The following NCALD variants were observed in gnomAD, a reference collection of about 807,000 sequenced individuals.
NCALD encodes the protein neurocalcin-delta.
In NCALD, 10 loss-of-function variants were observed where a neutral mutation model predicts 18.6. That is an observed-to-expected ratio of 0.54 (90% CI 0.33 to 0.91). The LOEUF (loss-of-function observed/expected upper bound fraction) is 0.91, where lower values mean the gene tolerates loss of function less well. Ranked by LOEUF, NCALD falls within the 40% of genes least tolerant of loss-of-function variation. NCALD has a pLI of 0.03. For missense variants in NCALD, 184 were observed against 247.6 expected (o/e 0.74, Z 1.72); for synonymous variants, 88 against 87.4 (o/e 1.01, Z -0.04).
intron 1 of NCALD, among the ~76,000 whole-genome samples, chr8:102,051,689 C>A (rs547368913): frequency 2.8e-4 from 42 of 152,126 alleles, no homozygotes; most frequent in Non-Finnish European, 5.4e-4. Context: ...CTGACATTTG[C>A]GTTATTCAGC....
intron 1 of NCALD, among the ~76,000 whole-genome samples, chr8:102,093,692 C>G (rs746738563): frequency 1.5e-4 from 23 of 152,140 alleles, no homozygotes; most frequent in Non-Finnish European, 3.2e-4. Flanking sequence ...AAAAATGGAA[C>G]AGAAAACCAC....
At chr8:102,086,663 C>A (rs762067149) in intron 1 of NCALD, among the ~76,000 whole-genome samples, 15 of 152,194 alleles carry the variant, frequency 9.9e-5, no homozygotes, top group Admixed American at 2.0e-4. Context: ...ATTTCTCATG[C>A]TCCCACACCT....
At chr8:101,783,819 T>C (rs1487875874) in intron 1 of NCALD, among the ~76,000 whole-genome samples, 1 of 152,210 alleles carries the variant, frequency 6.6e-6, no homozygotes, top group Non-Finnish European at 1.5e-5. Context: ...CTGTAGGACA[T>C]TGTTCCAAAT....
At chr8:101,727,614 G>C (rs1201441620) in intron 1 of NCALD, among the ~76,000 whole-genome samples, 12 of 152,206 alleles carry the variant, frequency 7.9e-5, no homozygotes, top group Admixed American at 7.9e-4. Context: ...CTGTGTAGCT[G>C]CGACTACAGA....
At chr8:101,738,946 T>A (rs558890631) in intron 1 of NCALD, among the ~76,000 whole-genome samples, 3 of 152,226 alleles carry the variant, frequency 2.0e-5, no homozygotes, top group African/African-American at 7.2e-5. Flanking sequence ...GTTACCTCCC[T>A]CCACTTGAGC....
intron 1 of NCALD, among the ~76,000 whole-genome samples, chr8:102,096,396 G>C (rs879622336): frequency 1.1e-4 from 16 of 152,332 alleles, no homozygotes; most frequent in Non-Finnish European, 1.8e-4. Context: ...CAGGAAAATA[G>C]GGTCTGGAGG....
chr8:101,722,081 C>A (rs75486972), intron 1 of NCALD, among the ~76,000 whole-genome samples: 1 of 152,098 alleles, frequency 6.6e-6, no homozygotes, highest in Non-Finnish European at 1.5e-5. Flanking sequence ...GGGCTCATGC[C>A]GTCTTCCAAA....
chr8:102,060,072 C>A (rs1045566455), intron 1 of NCALD, among the ~76,000 whole-genome samples: 1 of 152,178 alleles, frequency 6.6e-6, no homozygotes, highest in Non-Finnish European at 1.5e-5. Flanking sequence ...GCTTCGCCTC[C>A]CAGGTTCAAG....
chr8:101,788,011 A>G (rs1170840345), intron 1 of NCALD, among the ~76,000 whole-genome samples: 1 of 152,222 alleles, frequency 6.6e-6, no homozygotes, highest in East Asian at 1.9e-4. Flanking sequence ...GGGTTTCCCA[A>G]TCCAGGGGAC....
chr8:102,006,690 C>T (rs1821726041), intron 2 of NCALD, among the ~76,000 whole-genome samples: 1 of 152,234 alleles, frequency 6.6e-6, no homozygotes, highest in African/African-American at 2.4e-5. Context: ...TCTCCAATGG[C>T]ACATCTCTTA....
intron 1 of NCALD, among the ~76,000 whole-genome samples, chr8:102,048,576 A>G (rs1410805969): frequency 6.6e-6 from 1 of 152,248 alleles, no homozygotes; most frequent in East Asian, 1.9e-4. Context: ...AACATGAGAA[A>G]TATCTATAGG....
chr8:102,049,714 C>T (rs541136376), intron 1 of NCALD, among the ~76,000 whole-genome samples: 3 of 152,106 alleles, frequency 2.0e-5, no homozygotes, highest in Non-Finnish European at 4.4e-5. Context: ...GTTGGTGTCC[C>T]GTGTACTGAA....
chr8:102,015,345 T>G (rs1458826208), intron 2 of NCALD, among the ~76,000 whole-genome samples: 10 of 152,198 alleles, frequency 6.6e-5, no homozygotes, highest in Non-Finnish European at 1.3e-4. Flanking sequence ...AGCCATGTAT[T>G]TCCTGCAAAG....
chr8:101,911,776 G>A (rs1247675061), intron 3 of NCALD, among the ~76,000 whole-genome samples: 1 of 152,188 alleles, frequency 6.6e-6, no homozygotes, highest in Non-Finnish European at 1.5e-5. Flanking sequence ...CTGCATGTCT[G>A]AGACATAAAT....
chr8:102,002,484 C>G (rs1481147363), intron 2 of NCALD, among the ~76,000 whole-genome samples: 2 of 152,166 alleles, frequency 1.3e-5, no homozygotes, highest in Non-Finnish European at 2.9e-5. Flanking sequence ...AGAAAGTTAA[C>G]AAGGATATCC....
At chr8:101,770,140 T>C (rs1811522587) in intron 1 of NCALD, among the ~76,000 whole-genome samples, 1 of 152,182 alleles carries the variant, frequency 6.6e-6, no homozygotes, top group Non-Finnish European at 1.5e-5. Context: ...GGCCATATAT[T>C]TCAGGAAGAG....
chr8:101,872,257 G>A, intron 4 of NCALD: 1 of 1,409,926 alleles, frequency 7.1e-7, no homozygotes, highest in Non-Finnish European at 1.0e-6. Flanking sequence ...ATACTTCCCT[G>A]AAATCTCCAA....
intron 4 of NCALD, among the ~76,000 whole-genome samples, chr8:101,853,138 G>A (rs571551920): frequency 4.3e-4 from 66 of 152,134 alleles, no homozygotes; most frequent in Non-Finnish European, 7.8e-4. Flanking sequence ...AATAATATCA[G>A]TACCTACCTC....
chr8:101,858,110 T>C (rs533375183), intron 4 of NCALD, among the ~76,000 whole-genome samples: 23 of 152,284 alleles, frequency 1.5e-4, no homozygotes, highest in Admixed American at 9.8e-4. Flanking sequence ...AACTCATTGG[T>C]ATTGTTTTCC....
Sources: allele counts gnomAD v4.1 joint callset (sites outside exome capture counted in the v4.1 genomes callset), GRCh38; gene constraint gnomAD v4.1.1; transcripts MANE v1.5; gene names NCBI Gene and HGNC (gene_info 2026-07-23, HGNC 2026-07-21).